Variants in PCGF6 observed in about 807,000 individuals in gnomAD.
PCGF6 encodes the protein polycomb group RING finger protein 6.
In PCGF6, 24 loss-of-function variants were observed where a neutral mutation model predicts 45.5. That is an observed-to-expected ratio of 0.53 (90% confidence interval 0.38 to 0.74). PCGF6 has a LOEUF of 0.74. Ranked by LOEUF, PCGF6 falls within the 30% of genes least tolerant of loss-of-function variation. The probability of loss-of-function intolerance (pLI) is 0.00; values close to 1 mark genes in which losing one functional copy is unlikely to be tolerated. For missense variants in PCGF6, 356 were observed against 443.2 expected (o/e 0.80, Z 1.77); for synonymous variants, 152 against 162.1 (o/e 0.94, Z 0.47).
chr10:103,350,533 G>C (rs546929970), intron 1 of PCGF6, among the ~76,000 whole-genome samples, 174 bp downstream of exon 1: 75 of 152,298 alleles, frequency 4.9e-4, no homozygotes, highest in African/African-American at 1.7e-3. Flanking sequence ...GGCCGGGCCG[G>C]AGGCCTGTCG....
intron 8 of PCGF6, among the ~76,000 whole-genome samples, chr10:103,325,678 T>C (rs2093215538): frequency 1.3e-5 from 2 of 152,092 alleles, no homozygotes; most frequent in African/African-American, 2.4e-5. Flanking sequence ...AATATTTCTA[T>C]CTTCAGCTTT....
rs1313459121 is a variant in PCGF6, at chr10:103,333,971, A to T, written c.783-19T>A. ...ATTAGCACTGAAAAATGAGAGCAAA[A>T]TTAATCAATATTTAATACTTTAAGC... On this transcript the variant is annotated intron_variant, in intron 6 of 9. Coordinates refer to ENST00000369847, the MANE Select transcript of PCGF6 (RefSeq NM_001011663.2). 1 of 1,488,980 alleles carries T rather than the reference A, an allele frequency of 6.7e-7. No homozygotes were observed. The highest frequency in any genetic ancestry group is 9.0e-7 in the Non-Finnish European group (1 of 1,107,276). 92.2% of individuals were successfully genotyped at this position (1,488,980 alleles called of 1,614,324 possible). A position where few individuals can be genotyped will look rare whatever the true frequency, so the allele number is the denominator to read the frequency against.
chr10:103,341,515 C>CT (rs1172592364), intron 6 of PCGF6, among the ~76,000 whole-genome samples: 1 of 151,802 alleles, frequency 6.6e-6, no homozygotes, highest in African/African-American at 2.4e-5. Context: ...TCTCGGCTCA[C>CT]TGCAACCTCC....
At chr10:103,325,418 T>A (rs1380308409) in intron 8 of PCGF6, among the ~76,000 whole-genome samples, 1 of 151,992 alleles carries the variant, frequency 6.6e-6, no homozygotes, top group Non-Finnish European at 1.5e-5. Flanking sequence ...CAGGTCCGGC[T>A]AATTTTTGTA....
chr10:103,315,736 G>A (rs2093172740), intron 8 of PCGF6, among the ~76,000 whole-genome samples: 1 of 152,034 alleles, frequency 6.6e-6, no homozygotes, highest in East Asian at 1.9e-4. Flanking sequence ...CAAACTCCTA[G>A]TCGTAAGTGA....
chr10:103,345,064 G>A lies in PCGF6; in HGVS notation c.742C>T (p.Pro248Ser). ...AATAAAGACATATCAAGTTCAGGTG[G>A]AATACGAAACACTGATTCTAGGACT... is the stretch of plus-strand genomic sequence containing the variant. ...KKVLESVFRI[P>S]PELDMSLLLE... is the part of the protein sequence containing the mutation. Residue 248 changes from proline to serine, a missense_variant, in exon 6 of 10, where the codon CCA becomes TCA. This residue lies in a region of PCGF6 where 307 missense variants were observed against 350.1 expected (regional missense o/e 0.88). Transcript: ENST00000369847. The A allele has an allele frequency of 6.2e-7, 1 of 1,612,654 alleles. No individual in the cohort carries two copies.
intron 9 of PCGF6, among the ~76,000 whole-genome samples, chr10:103,306,157 G>T (rs1273938634): frequency 6.6e-6 from 1 of 151,260 alleles, no homozygotes; most frequent in Non-Finnish European, 1.5e-5. Context: ...GAGTGCAATG[G>T]TGCCATCTCG....
At chr10:103,321,703 G>A (rs1053307002) in intron 8 of PCGF6, among the ~76,000 whole-genome samples, 7 of 151,548 alleles carry the variant, frequency 4.6e-5, no homozygotes, top group South Asian at 2.1e-4. Context: ...CAGAGACTCC[G>A]TCTCAAAAAC....
rs538220522 is a variant in PCGF6, at chr10:103,322,946, C to G, written c.909+3588G>C. ...ACAAAACACAAAACATACACACACA[C>G]AGACACATAAATAGCCATAGAATAA... On this transcript the variant is annotated intron_variant, in intron 8 of 9. Transcript: ENST00000369847. Among the ~76,000 whole-genome samples the G allele has an allele frequency of 8.6e-5, 13 of 150,860 alleles. No individual in the cohort carries two copies. In the South Asian group the frequency reaches 1.9e-3, roughly 22 times the overall value.
At chr10:103,345,236 G>A in intron 5 of PCGF6, 104 bp from the exon 6 acceptor site, 1 of 785,532 alleles carries the variant, frequency 1.3e-6, no homozygotes, top group Non-Finnish European at 2.0e-6. Flanking sequence ...GTATTTAAAA[G>A]ATCATAAACC....
chr10:103,343,219 C>T lies in PCGF6; in HGVS notation c.782+1805G>A, dbSNP rs186737214. Among the ~76,000 whole-genome samples, 828 of 151,874 alleles carry T rather than the reference C, an allele frequency of 5.5e-3. 7 individuals carry two copies. The highest frequency in any genetic ancestry group is 8.2e-3 in the African/African-American group (340 of 41,408). On this transcript the variant is annotated intron_variant, in intron 6 of 9. Transcript: ENST00000369847. ...CTGGGATTATAGGCGTGAGCCACCGCGCCCGGCCTTAGGGGTTCTTAATAA... is the reference window on the plus strand; with the variant it reads ...CTGGGATTATAGGCGTGAGCCACCGTGCCCGGCCTTAGGGGTTCTTAATAA...
chr10:103,334,632 T>C (rs1033401715), intron 6 of PCGF6, among the ~76,000 whole-genome samples: 8 of 152,194 alleles, frequency 5.3e-5, no homozygotes, highest in African/African-American at 1.7e-4. Context: ...ATGCTTCCTA[T>C]TGCTTTTTTT....
chr10:103,328,837 T>C (rs1564729533), intron 7 of PCGF6, among the ~76,000 whole-genome samples: 1 of 152,028 alleles, frequency 6.6e-6, no homozygotes, highest in South Asian at 2.1e-4. Flanking sequence ...CTGCAACCTC[T>C]GCCTTCCGGA....
At chr10:103,323,950 A>AT (rs1414080484) in intron 8 of PCGF6, among the ~76,000 whole-genome samples, 5 of 148,440 alleles carry the variant, frequency 3.4e-5, no homozygotes, top group African/African-American at 5.0e-5. Flanking sequence ...TTATTTTACT[A>AT]TTTTTTTGAG....
chr10:103,322,641 T>C (rs1045600147), intron 8 of PCGF6, among the ~76,000 whole-genome samples: 1 of 151,812 alleles, frequency 6.6e-6, no homozygotes, highest in African/African-American at 2.4e-5. Flanking sequence ...GGCAAAATGA[T>C]GAAACCCCAT....
chr10:103,309,822 C>T (rs1382551604), intron 9 of PCGF6, among the ~76,000 whole-genome samples: 1 of 152,068 alleles, frequency 6.6e-6, no homozygotes, highest in Non-Finnish European at 1.5e-5. Flanking sequence ...CGTCTGTTGT[C>T]CCAGCTACTT....
intron 8 of PCGF6, among the ~76,000 whole-genome samples, chr10:103,316,011 TATAGAG>T (rs1180979926): frequency 1.5e-3 from 194 of 129,780 alleles, no homozygotes; most frequent in East Asian, 2.4e-3. Flanking sequence ...TATATATATA[TATAGAG>T]AGAGAGAGAG....
intron 9 of PCGF6, among the ~76,000 whole-genome samples, chr10:103,313,781 T>C (rs1433446753): frequency 2.6e-5 from 4 of 152,150 alleles, no homozygotes; most frequent in Admixed American, 2.0e-4. Flanking sequence ...TCCTTCTGGA[T>C]GCATTGGCCT....
intron 6 of PCGF6, among the ~76,000 whole-genome samples, chr10:103,340,419 A>G (rs1442759999): frequency 6.6e-6 from 1 of 151,950 alleles, no homozygotes; most frequent in African/African-American, 2.4e-5. Context: ...AAGTCTCATC[A>G]GGAAAGCCTG....
Sources: allele counts gnomAD v4.1 joint callset (sites outside exome capture counted in the v4.1 genomes callset), GRCh38; gene constraint gnomAD v4.1.1; regional missense constraint gnomAD v4.1.1; transcripts MANE v1.5; gene names NCBI Gene and HGNC (gene_info 2026-07-23, HGNC 2026-07-21).